TNR: variants seen among roughly 807,000 people sequenced by gnomAD.
TNR encodes tenascin-R.
A neutral mutation model predicts 150.4 loss-of-function variants in TNR; 45 were observed. The ratio of observed to expected loss-of-function variants is 0.30; its 90% CI spans 0.24 to 0.38. The LOEUF is 0.38. TNR is among the 10% of genes least tolerant of loss of function. The pLI is 1.00. For synonymous variants in TNR, 687 were observed against 678.4 expected (o/e 1.01, Z -0.20); for missense variants, 1,544 against 1,759.1 (o/e 0.88, Z 2.19).
chr1:175,726,034 C>T (rs1484734206), intron 1 of TNR, among the ~76,000 whole-genome samples: 1 of 152,086 alleles, frequency 6.6e-6, no homozygotes, highest in Non-Finnish European at 1.5e-5. Context: ...TAGGAGCCAC[C>T]CTGAGGTTTC....
chr1:175,664,560 C>T (rs1665473646), intron 1 of TNR, among the ~76,000 whole-genome samples: 1 of 152,200 alleles, frequency 6.6e-6, no homozygotes, highest in African/African-American at 2.4e-5. Context: ...TCAGGGATTT[C>T]AGAATTTCCT....
chr1:175,494,362 A>T (rs1658389358), intron 2 of TNR, among the ~76,000 whole-genome samples: 1 of 152,250 alleles, frequency 6.6e-6, no homozygotes, highest in African/African-American at 2.4e-5. Flanking sequence ...CCCCGGCACC[A>T]GCTCCTGGGC....
intron 1 of TNR, among the ~76,000 whole-genome samples, chr1:175,724,348 C>T (rs59552770): frequency 0.031 from 4,748 of 152,078 alleles, 215 homozygotes; most frequent in African/African-American, 0.1. Context: ...AGGAAGAGAG[C>T]GAGAAGGGAC....
intron 2 of TNR, among the ~76,000 whole-genome samples, chr1:175,409,998 A>G (rs963389202): frequency 3.3e-5 from 5 of 152,226 alleles, no homozygotes; most frequent in Non-Finnish European, 7.3e-5. Flanking sequence ...AGGAAGTGGT[A>G]ACTGCTATGG....
At chr1:175,713,595 T>C (rs1326947522) in intron 1 of TNR, among the ~76,000 whole-genome samples, 1 of 152,226 alleles carries the variant, frequency 6.6e-6, no homozygotes, top group African/African-American at 2.4e-5. Flanking sequence ...AAAACGCTTC[T>C]CATTGCCTGG....
chr1:175,691,319 AGAG>A (rs1263994150), intron 1 of TNR, among the ~76,000 whole-genome samples: 3 of 151,906 alleles, frequency 2.0e-5, no homozygotes, highest in Non-Finnish European at 4.4e-5. Context: ...GATAATTATA[AGAG>A]GAGGAGGAAG....
At chr1:175,521,574 G>T (rs1238521471) in intron 2 of TNR, among the ~76,000 whole-genome samples, 1 of 152,234 alleles carries the variant, frequency 6.6e-6, no homozygotes, top group Non-Finnish European at 1.5e-5. Flanking sequence ...GGAGATGTGA[G>T]TGGTAGCTGC....
At chr1:175,582,975 C>G (rs1270245600) in intron 1 of TNR, among the ~76,000 whole-genome samples, 3 of 151,718 alleles carry the variant, frequency 2.0e-5, no homozygotes, top group Non-Finnish European at 4.4e-5. Flanking sequence ...CAAAAAAGCC[C>G]CCCCAACCCC....
chr1:175,365,863 C>T lies in TNR; in HGVS notation c.2317+12G>A, dbSNP rs1416993470. Reference sequence around the variant, plus strand: ...TCCCTGAACCTGGCTGGGATTTCTGCTGCTCTGGTACCTGTGAAAGCATCC... The same window carrying T: ...TCCCTGAACCTGGCTGGGATTTCTGTTGCTCTGGTACCTGTGAAAGCATCC... On this transcript the variant is annotated intron_variant, in intron 11 of 22. Coordinates refer to ENST00000367674, the MANE Select transcript of TNR (RefSeq NM_003285.3). The T allele has an allele frequency of 6.2e-7, 1 of 1,609,036 alleles. No homozygotes were observed. The highest frequency in any genetic ancestry group is 8.5e-7 in the Non-Finnish European group (1 of 1,176,522).
chr1:175,347,514 G>A (rs769787357), intron 18 of TNR, among the ~76,000 whole-genome samples: 4 of 151,876 alleles, frequency 2.6e-5, no homozygotes, highest in Admixed American at 6.6e-5. Context: ...AGCAGCCTCC[G>A]CCTCCCAGGG....
At chr1:175,711,580 A>C (rs537047199) in intron 1 of TNR, among the ~76,000 whole-genome samples, 2 of 152,338 alleles carry the variant, frequency 1.3e-5, no homozygotes, top group East Asian at 3.9e-4. Context: ...CAGGAGAATA[A>C]GCCACAAAGG....
intron 1 of TNR, among the ~76,000 whole-genome samples, chr1:175,628,335 A>C (rs1391603246): frequency 2.6e-5 from 4 of 152,062 alleles, no homozygotes; most frequent in Non-Finnish European, 5.9e-5. Flanking sequence ...CTTAGATAGT[A>C]CTTTGCTTGA....
intron 2 of TNR, among the ~76,000 whole-genome samples, chr1:175,498,696 C>G (rs375115398): frequency 6.6e-6 from 1 of 152,114 alleles, no homozygotes; most frequent in East Asian, 1.9e-4. Flanking sequence ...TGGAGAAAAC[C>G]ATCGAGGGAG....
chr1:175,485,949 C>T (rs1657994902), intron 2 of TNR, among the ~76,000 whole-genome samples: 1 of 152,072 alleles, frequency 6.6e-6, no homozygotes, highest in Non-Finnish European at 1.5e-5. Context: ...ATGAAGAATC[C>T]AGGTTTAGCA....
intron 2 of TNR, among the ~76,000 whole-genome samples, chr1:175,413,034 C>CT (rs932320584): frequency 6.6e-5 from 10 of 151,358 alleles, no homozygotes; most frequent in African/African-American, 9.7e-5. Flanking sequence ...GCACTTTTTT[C>CT]TTTTTTTTTG....
intron 1 of TNR, among the ~76,000 whole-genome samples, chr1:175,665,612 T>C (rs1207189307): frequency 6.6e-6 from 1 of 152,196 alleles, no homozygotes; most frequent in Admixed American, 6.5e-5. Context: ...TGGGGAGCAA[T>C]AAAAATGATT....
chr1:175,678,866 G>C (rs1363347961), intron 1 of TNR, among the ~76,000 whole-genome samples: 1 of 152,196 alleles, frequency 6.6e-6, no homozygotes, highest in East Asian at 1.9e-4. Flanking sequence ...TATCCTTCAG[G>C]CAAGATCATC....
intron 21 of TNR, among the ~76,000 whole-genome samples, chr1:175,325,510 A>AT (rs1649326106): frequency 6.6e-6 from 1 of 152,212 alleles, no homozygotes; most frequent in Non-Finnish European, 1.5e-5. Flanking sequence ...CAGCCATCCC[A>AT]TTACTGGGTA....
In TNR at chr1:175,323,410, G is replaced by C; in HGVS notation, c.4024C>G (p.Pro1342Ala). 6.2e-7 allele frequency: 1 copy of C among 1,614,068 alleles called. No homozygotes were observed. The highest frequency in any genetic ancestry group is 8.5e-7 in the Non-Finnish European group (1 of 1,179,962). The change falls in exon 23 of 23, where the codon CCC becomes GCC. Residue 1342 changes from proline to alanine, a missense_variant. Physicochemically the swap from Pro to Ala is conservative, Grantham distance 27. Coordinates refer to ENST00000367674, the MANE Select transcript of TNR (RefSeq NM_003285.3). ...CCTGCCATGAGACGGTGGTTGTAGG[G>C]GCGCATCTTCATTTCCACAAAGGGG... ...SIPFVEMKMR[P>A]YNHRLMAGRK...
Sources: allele counts gnomAD v4.1 joint callset (sites outside exome capture counted in the v4.1 genomes callset), GRCh38; gene constraint gnomAD v4.1.1; transcripts MANE v1.5; gene names NCBI Gene and HGNC (gene_info 2026-07-23, HGNC 2026-07-21).